ZCCHC7: variants seen among roughly 807,000 people sequenced by gnomAD.
ZCCHC7 encodes the protein zinc finger CCHC domain-containing protein 7.
In ZCCHC7, 35 loss-of-function variants were observed where a neutral mutation model predicts 52.0. The ratio of observed to expected loss-of-function variants is 0.67; its 90% CI spans 0.51 to 0.89. ZCCHC7 has a LOEUF of 0.89. Among genes scored for constraint, ZCCHC7 ranks in the 40% least tolerant of loss-of-function variants. ZCCHC7 has a pLI of 0.00. For synonymous variants in ZCCHC7, 217 were observed against 221.5 expected, an observed-to-expected ratio of 0.98 and a Z score of 0.18; for missense variants, 574 against 649.1, an observed-to-expected ratio of 0.88 and a Z score of 1.26.
intron 2 of ZCCHC7, among the ~76,000 whole-genome samples, chr9:37,265,065 T>C (rs1007035459): frequency 6.6e-6 from 1 of 152,196 alleles, no homozygotes; most frequent in Non-Finnish European, 1.5e-5. Context: ...AAACAGATGT[T>C]CTTCCTCCTG....
chr9:37,267,011 TTGAG>T, intron 2 of ZCCHC7, among the ~76,000 whole-genome samples: 1 of 152,276 alleles, frequency 6.6e-6, no homozygotes, highest in East Asian at 1.9e-4. Flanking sequence ...AAATGTTATA[TTGAG>T]AGAGAGAGAG....
At chr9:37,140,432 A>C (rs1234783629) in intron 2 of ZCCHC7, among the ~76,000 whole-genome samples, 3 of 152,010 alleles carry the variant, frequency 2.0e-5, no homozygotes, top group African/African-American at 7.2e-5. Flanking sequence ...TTGTATAATC[A>C]TATTTTAGCC....
At chr9:37,345,490 G>C (rs1588701288) in intron 6 of ZCCHC7, among the ~76,000 whole-genome samples, 1 of 152,288 alleles carries the variant, frequency 6.6e-6, no homozygotes, top group East Asian at 1.9e-4. Context: ...CATTTGGGGA[G>C]GCTGAGGCAG....
chr9:37,336,727 C>CTGTGTT (rs199510844), intron 6 of ZCCHC7, among the ~76,000 whole-genome samples: 7,677 of 152,050 alleles, frequency 0.05, 622 homozygotes, highest in African/African-American at 0.17. Flanking sequence ...AGTGTGATTT[C>CTGTGTT]TGTGTTTTAT....
At chr9:37,323,943 C>T (rs1450206402) in intron 5 of ZCCHC7, among the ~76,000 whole-genome samples, 4 of 151,930 alleles carry the variant, frequency 2.6e-5, no homozygotes, top group African/African-American at 9.7e-5. Flanking sequence ...AGAGTAGGGG[C>T]GTTCTTTTTA....
intron 2 of ZCCHC7, among the ~76,000 whole-genome samples, chr9:37,222,855 G>T (rs1824897129): frequency 6.6e-6 from 1 of 152,126 alleles, no homozygotes; most frequent in Non-Finnish European, 1.5e-5. Flanking sequence ...AAACGCTCTA[G>T]TGGGGAATGT....
At chr9:37,235,177 A>T (rs530101717) in intron 2 of ZCCHC7, among the ~76,000 whole-genome samples, 1 of 152,308 alleles carries the variant, frequency 6.6e-6, no homozygotes, top group East Asian at 1.9e-4. Context: ...TAATCACTGT[A>T]CTTGTACTGT....
chr9:37,164,729 C>T (rs1821325281), intron 2 of ZCCHC7, among the ~76,000 whole-genome samples: 2 of 152,206 alleles, frequency 1.3e-5, no homozygotes, highest in South Asian at 4.2e-4. Context: ...TAGGCATTCA[C>T]CATCACATCT....
chr9:37,264,285 T>C (rs1826996380), intron 2 of ZCCHC7, among the ~76,000 whole-genome samples: 1 of 152,178 alleles, frequency 6.6e-6, no homozygotes, highest in African/African-American at 2.4e-5. Context: ...TAAATAGTAC[T>C]TATAAAATAA....
At chr9:37,145,837 A>G (rs1427154632) in intron 2 of ZCCHC7, among the ~76,000 whole-genome samples, 1 of 151,926 alleles carries the variant, frequency 6.6e-6, no homozygotes, top group Non-Finnish European at 1.5e-5. Context: ...TATAAATTGA[A>G]TTGGAGATGC....
chr9:37,332,837 A>G (rs1000969059), intron 6 of ZCCHC7, among the ~76,000 whole-genome samples: 4 of 151,658 alleles, frequency 2.6e-5, no homozygotes, highest in African/African-American at 9.7e-5. Flanking sequence ...TGAATTATAA[A>G]TGCATGTTAT....
chr9:37,353,988 A>T (rs922888135), intron 7 of ZCCHC7, among the ~76,000 whole-genome samples: 3 of 152,214 alleles, frequency 2.0e-5, no homozygotes, highest in Non-Finnish European at 4.4e-5. Context: ...TTCAGGCCAA[A>T]GCCTATGGAT....
chr9:37,199,638 G>C (rs190168027), intron 2 of ZCCHC7, among the ~76,000 whole-genome samples: 1 of 145,256 alleles, frequency 6.9e-6, no homozygotes, highest in African/African-American at 2.5e-5. Context: ...CAGCCCTACT[G>C]TTTCTTTTTC....
chr9:37,273,846 G>A (rs1827552205), intron 2 of ZCCHC7, among the ~76,000 whole-genome samples: 1 of 151,946 alleles, frequency 6.6e-6, no homozygotes, highest in South Asian at 2.1e-4. Flanking sequence ...TCAGAGATAT[G>A]TGGGAATTTT....
intron 2 of ZCCHC7, among the ~76,000 whole-genome samples, chr9:37,269,444 C>G (rs1387814432): frequency 1.3e-5 from 2 of 151,136 alleles, no homozygotes; most frequent in Admixed American, 6.6e-5. Context: ...GTAGTGAGAT[C>G]TCATCTCTAC....
At chr9:37,270,850 C>G (rs1322373075) in intron 2 of ZCCHC7, among the ~76,000 whole-genome samples, 1 of 149,754 alleles carries the variant, frequency 6.7e-6, no homozygotes, top group Middle Eastern at 3.3e-3. Context: ...CCATTACTTT[C>G]ATTTCTGTTC....
intron 1 of ZCCHC7, among the ~76,000 whole-genome samples, chr9:37,122,808 G>A (rs1377190863): frequency 4.6e-5 from 7 of 152,166 alleles, no homozygotes; most frequent in African/African-American, 1.7e-4. Flanking sequence ...GTGGTGGCGC[G>A]TGCCTGTAAT....
intron 2 of ZCCHC7, among the ~76,000 whole-genome samples, chr9:37,136,922 GC>G (rs1843021367): frequency 6.6e-6 from 1 of 152,100 alleles, no homozygotes; most frequent in African/African-American, 2.4e-5. Flanking sequence ...ACCGAGCCTG[GC>G]CCCAAGTTGC....
At chr9:37,149,818 A>G (rs1214787223) in intron 2 of ZCCHC7, among the ~76,000 whole-genome samples, 1 of 152,212 alleles carries the variant, frequency 6.6e-6, no homozygotes, top group Non-Finnish European at 1.5e-5. Flanking sequence ...ACATAAATGC[A>G]GTGTTGCCAT....
Sources: gnomAD v4.1 joint callset for allele counts (sites outside exome capture counted in the v4.1 genomes callset) on GRCh38, gnomAD v4.1.1 for gene constraint, MANE v1.5 for transcripts, NCBI Gene and HGNC (gene_info 2026-07-23, HGNC 2026-07-21) for gene names.